HOOK1: variants seen among roughly 807,000 people sequenced by gnomAD.
The protein encoded by HOOK1 is hook microtubule tethering protein 1, also known as protein Hook homolog 1.
A neutral mutation model predicts 112.8 loss-of-function variants in HOOK1; 60 were observed. That is an observed-to-expected ratio of 0.53 (90% CI 0.43 to 0.66). The LOEUF (loss-of-function observed/expected upper bound fraction) is 0.66, where lower values mean the gene tolerates loss of function less well. Ranked by LOEUF, HOOK1 falls within the 30% of genes least tolerant of loss-of-function variation. HOOK1 has a pLI of 0.00. For missense variants in HOOK1, 770 were observed against 856.0 expected (o/e 0.90, Z 1.25); for synonymous variants, 294 against 283.8 (o/e 1.04, Z -0.36).
chr1:59,854,186 G>C (rs1559057168), intron 12 of HOOK1, among the ~76,000 whole-genome samples: 2 of 149,790 alleles, frequency 1.3e-5, no homozygotes, highest in Middle Eastern at 6.9e-3. Flanking sequence ...TGAGTAGCTG[G>C]GATTACAGGC....
At chr1:59,824,352 C>G (rs373434936) in intron 2 of HOOK1, among the ~76,000 whole-genome samples, 2 of 152,008 alleles carry the variant, frequency 1.3e-5, no homozygotes, top group Non-Finnish European at 2.9e-5. Context: ...GGATTACAGG[C>G]GCATGCCACC....
At chr1:59,848,718 T>G (rs925823222) in intron 11 of HOOK1, among the ~76,000 whole-genome samples, 1 of 151,522 alleles carries the variant, frequency 6.6e-6, no homozygotes, top group Admixed American at 6.6e-5. Context: ...ACCTTTTTAC[T>G]GCCTCCTGAA....
chr1:59,816,742 A>G (rs923506952), intron 1 of HOOK1, among the ~76,000 whole-genome samples: 1 of 152,202 alleles, frequency 6.6e-6, no homozygotes, highest in Non-Finnish European at 1.5e-5. Flanking sequence ...AAAGCTGCAA[A>G]TATGTTGTAA....
At chr1:59,871,614 A>G (rs1644056305) in intron 21 of HOOK1, among the ~76,000 whole-genome samples, 1 of 152,158 alleles carries the variant, frequency 6.6e-6, no homozygotes, top group Non-Finnish European at 1.5e-5. Flanking sequence ...CAAGGAGAAA[A>G]TAGCATAGTT....
chr1:59,859,129 T>G (rs2098412230), intron 14 of HOOK1, 84 bp downstream of exon 14: 2 of 488,060 alleles, frequency 4.1e-6, no homozygotes, highest in Non-Finnish European at 6.6e-6. Flanking sequence ...CTTTAAAAAC[T>G]TATTTTATGA....
At chr1:59,869,909 A>C (rs1159681463) in intron 20 of HOOK1, among the ~76,000 whole-genome samples, 1 of 152,242 alleles carries the variant, frequency 6.6e-6, no homozygotes, top group Non-Finnish European at 1.5e-5. Flanking sequence ...AATTTATTCC[A>C]CAACAGCATT....
At chr1:59,858,172 C>T (rs544079055) in intron 12 of HOOK1, among the ~76,000 whole-genome samples, 16 of 152,234 alleles carry the variant, frequency 1.1e-4, no homozygotes, top group African/African-American at 2.9e-4. Flanking sequence ...TTTTATTACC[C>T]GTTGCATATC....
chr1:59,835,435 G>C, intron 6 of HOOK1, 23 bp downstream of exon 6: 1 of 1,408,630 alleles, frequency 7.1e-7, no homozygotes, highest in Non-Finnish European at 9.9e-7. Context: ...ATGTTCCTAT[G>C]AGTATAAAAA....
At chr1:59,867,145 G>C (rs1020389844) in intron 19 of HOOK1, among the ~76,000 whole-genome samples, 13 of 152,222 alleles carry the variant, frequency 8.5e-5, no homozygotes, top group East Asian at 1.9e-4. Context: ...TGGGGCAAGA[G>C]GTTTAAATAA....
chr1:59,826,320 T>C (rs867644400), intron 2 of HOOK1, among the ~76,000 whole-genome samples: 3 of 151,726 alleles, frequency 2.0e-5, no homozygotes, highest in Admixed American at 6.6e-5. Flanking sequence ...ATGTAGAGGT[T>C]GTAGAGGTTG....
chr1:59,823,192 C>A (rs539842401), intron 2 of HOOK1, among the ~76,000 whole-genome samples: 2 of 151,994 alleles, frequency 1.3e-5, no homozygotes, highest in Admixed American at 1.3e-4. Flanking sequence ...TGGTGGCGGG[C>A]GCCTGTAGTC....
chr1:59,867,074 TATC>T (rs746221039), intron 19 of HOOK1, among the ~76,000 whole-genome samples: 3 of 152,202 alleles, frequency 2.0e-5, no homozygotes, highest in Non-Finnish European at 2.9e-5. Flanking sequence ...CATTGATTAA[TATC>T]ATTTAAAAGA....
At chr1:59,849,314 G>A in intron 12 of HOOK1, 131 bp downstream of exon 12, 1 of 535,564 alleles carries the variant, frequency 1.9e-6, no homozygotes. Context: ...TGACATAAAA[G>A]TGTCTTGTAA....
chr1:59,835,426 T>TATA lies in HOOK1; in HGVS notation c.474+14_474+15insATA. On this transcript the variant is annotated intron_variant, in intron 6 of 21. Coordinates refer to ENST00000371208, the MANE Select transcript of HOOK1 (RefSeq NM_015888.6). Reference sequence around the variant, plus strand: ...GCTATTCAAGAGGTAAGTTATATCATGTTCCTATGAGTATAAAAATCCTAA... The same window carrying TATA: ...GCTATTCAAGAGGTAAGTTATATCATATAGTTCCTATGAGTATAAAAATCCTAA... 6.8e-7 allele frequency: 1 copy of TATA among 1,468,110 alleles called. No homozygotes were observed. Among genetic ancestry groups the TATA allele is most frequent in the Non-Finnish European group, 9.5e-7 (1 of 1,053,630 alleles). 90.9% of individuals were successfully genotyped at this position (1,468,110 alleles called of 1,614,324 possible). A position where few individuals can be genotyped will look rare whatever the true frequency, so the allele number is the denominator to read the frequency against.
chr1:59,815,240 C>A (rs532132464), intron 1 of HOOK1, 60 bp downstream of exon 1: 1 of 1,481,824 alleles, frequency 6.7e-7, no homozygotes, highest in Non-Finnish European at 9.1e-7. Context: ...GAGCCTGGGG[C>A]GCCCGGTTCT....
chr1:59,826,711 AGT>A (rs1260539322), intron 2 of HOOK1, among the ~76,000 whole-genome samples: 1 of 152,168 alleles, frequency 6.6e-6, no homozygotes, highest in Non-Finnish European at 1.5e-5. Context: ...GTAGAGGGTG[AGT>A]GTGTGTGTAA....
At chr1:59,853,497 A>G (rs1318011067) in intron 12 of HOOK1, among the ~76,000 whole-genome samples, 1 of 151,702 alleles carries the variant, frequency 6.6e-6, no homozygotes, top group South Asian at 2.1e-4. Flanking sequence ...ACTAAGATCT[A>G]TTTCTTTCAC....
intron 12 of HOOK1, among the ~76,000 whole-genome samples, chr1:59,852,013 A>C (rs1477511598): frequency 1.3e-5 from 2 of 151,712 alleles, no homozygotes; most frequent in Non-Finnish European, 3.0e-5. Context: ...TATTGAGATA[A>C]ATTCTACTTG....
At chr1:59,855,896 C>T (rs1371311350) in intron 12 of HOOK1, among the ~76,000 whole-genome samples, 1 of 144,942 alleles carries the variant, frequency 6.9e-6, no homozygotes, top group Non-Finnish European at 1.5e-5. Context: ...GCCTCAGTCT[C>T]CCTAGTAGTT....
Sources: allele counts gnomAD v4.1 joint callset (sites outside exome capture counted in the v4.1 genomes callset), GRCh38; gene constraint gnomAD v4.1.1; transcripts MANE v1.5; gene names NCBI Gene and HGNC (gene_info 2026-07-23, HGNC 2026-07-21).